CACNA1E: variants seen among roughly 807,000 people sequenced by gnomAD.
CACNA1E encodes voltage-dependent R-type calcium channel subunit alpha-1E.
In CACNA1E, 40 loss-of-function variants were observed where a neutral mutation model predicts 259.2. That is an observed-to-expected ratio of 0.15 (90% confidence interval 0.12 to 0.20). CACNA1E has a LOEUF of 0.20. CACNA1E is among the 10% of genes least tolerant of loss of function. The pLI is 1.00. For synonymous variants in CACNA1E, 1,104 were observed against 1,138.5 expected, an observed-to-expected ratio of 0.97 and a Z score of 0.61; for missense variants, 1,874 against 3,040.1, an observed-to-expected ratio of 0.62 and a Z score of 9.02.
chr1:181,600,625 T>TA (rs1653647596), intron 6 of CACNA1E, among the ~76,000 whole-genome samples: 1 of 152,086 alleles, frequency 6.6e-6, no homozygotes, highest in African/African-American at 2.4e-5. Context: ...ATTAATCTGT[T>TA]AATAGCGGTG....
rs745794317 is a variant in CACNA1E at position 181,733,724 on chromosome 1, C to T, written c.3236C>T (p.Pro1079Leu). The change falls in exon 21 of 48, where the codon CCC becomes CTC. Residue 1079 changes from proline to leucine, a missense_variant. By Grantham distance (98) the Pro-to-Leu change is moderately conservative (BLOSUM62 -3). Transcript: ENST00000367573. ...ACCGTCGCCATCCCCGACGTGGACCCCTTGGTGGACTCAACCGTGGTGCAC... is the reference window on the plus strand; with the variant it reads ...ACCGTCGCCATCCCCGACGTGGACCTCTTGGTGGACTCAACCGTGGTGCAC... ...SVTVAIPDVD[P>L]LVDSTVVHIS... 1.5e-5 allele frequency: 23 copies of T among 1,574,478 alleles called. No homozygotes were observed. Among genetic ancestry groups the T allele is most frequent in the Non-Finnish European group, 1.8e-5 (21 of 1,159,608 alleles).
intron 21 of CACNA1E, among the ~76,000 whole-genome samples, chr1:181,735,083 G>T (rs1356115182): frequency 1.3e-5 from 2 of 151,900 alleles, no homozygotes; most frequent in African/African-American, 2.4e-5. Context: ...TTCTTCCATG[G>T]CTCCCTCTCC....
chr1:181,723,621 C>A (rs920307283), intron 16 of CACNA1E, among the ~76,000 whole-genome samples: 10 of 152,152 alleles, frequency 6.6e-5, no homozygotes, highest in Admixed American at 4.6e-4. Context: ...CCCTGCCTTA[C>A]GATGACGATT....
chr1:181,572,911 G>A lies in CACNA1E; in HGVS notation c.513-4855G>A, dbSNP rs75657651. Among the ~76,000 whole-genome samples, 712 of 152,216 alleles carry A rather than the reference G, an allele frequency of 4.7e-3. 2 individuals carry two copies. The highest frequency in any genetic ancestry group is 6.5e-3 in the Admixed American group (99 of 15,296). On this transcript the variant is annotated intron_variant, in intron 3 of 47. Transcript: ENST00000367573. ...ATTTGTGGCCTTAGAATGAAGGGAA[G>A]AATGCTCACTTGCCTGTTTGGGGAT... is the stretch of plus-strand genomic sequence containing the variant.
intron 1 of CACNA1E, among the ~76,000 whole-genome samples, chr1:181,339,670 T>A (rs1286131257): frequency 6.6e-6 from 1 of 152,138 alleles, no homozygotes; most frequent in Admixed American, 6.5e-5. Context: ...ACATTTTTGT[T>A]CTTGACTATC....
intron 3 of CACNA1E, among the ~76,000 whole-genome samples, chr1:181,554,084 C>T (rs1447191035): frequency 6.6e-6 from 1 of 152,106 alleles, no homozygotes; most frequent in Admixed American, 6.5e-5. Flanking sequence ...GATCACAGCC[C>T]ACTGCAGCCT....
chr1:181,559,891 G>A (rs1649136339), intron 3 of CACNA1E, among the ~76,000 whole-genome samples: 1 of 152,218 alleles, frequency 6.6e-6, no homozygotes, highest in Non-Finnish European at 1.5e-5. Context: ...GCTGCTGAAG[G>A]CGTGGGATGC....
chr1:181,792,754 G>C (rs939379165), intron 44 of CACNA1E, among the ~76,000 whole-genome samples: 4 of 152,142 alleles, frequency 2.6e-5, no homozygotes, highest in Non-Finnish European at 4.4e-5. Flanking sequence ...GATGTTCTTA[G>C]GTCTTTTTGT....
chr1:181,542,147 A>G (rs1668629690), intron 3 of CACNA1E, among the ~76,000 whole-genome samples: 1 of 152,218 alleles, frequency 6.6e-6, no homozygotes, highest in South Asian at 2.1e-4. Flanking sequence ...TCAAGTGTTC[A>G]GATAACTGCA....
chr1:181,708,463 C>G (rs535745064), intron 7 of CACNA1E, among the ~76,000 whole-genome samples: 16 of 152,258 alleles, frequency 1.1e-4, no homozygotes, highest in South Asian at 6.2e-4. Context: ...AATGCTTATC[C>G]TAGATGCTCA....
intron 7 of CACNA1E, among the ~76,000 whole-genome samples, chr1:181,692,886 G>T (rs551530780): frequency 7.8e-4 from 118 of 152,018 alleles, no homozygotes; most frequent in African/African-American, 2.7e-3. Flanking sequence ...CAAAATATTT[G>T]CAAACTATGC....
chr1:181,626,360 G>A (rs1440621757), intron 6 of CACNA1E, among the ~76,000 whole-genome samples: 1 of 152,158 alleles, frequency 6.6e-6, no homozygotes, highest in Non-Finnish European at 1.5e-5. Context: ...AGGTATGCCT[G>A]TAGAACTAAT....
intron 1 of CACNA1E, among the ~76,000 whole-genome samples, chr1:181,508,647 G>A (rs149498315): frequency 1.2e-3 from 187 of 152,296 alleles, no homozygotes; most frequent in African/African-American, 4.3e-3. Flanking sequence ...CACTCCTCCT[G>A]CGATCAGTGG....
chr1:181,359,598 C>T (rs961332524), intron 1 of CACNA1E, among the ~76,000 whole-genome samples: 1 of 152,016 alleles, frequency 6.6e-6, no homozygotes, highest in African/African-American at 2.4e-5. Context: ...GAAGTAGTTC[C>T]GATACTCTAT....
chr1:181,401,772 G>A (rs1381569820), intron 1 of CACNA1E, among the ~76,000 whole-genome samples: 4 of 152,208 alleles, frequency 2.6e-5, no homozygotes, highest in Non-Finnish European at 4.4e-5. Flanking sequence ...TGTGTGGCAG[G>A]AGGAAGTGGC....
chr1:181,737,780 C>T, intron 23 of CACNA1E, 126 bp downstream of exon 23: 2 of 1,265,914 alleles, frequency 1.6e-6, no homozygotes, highest in South Asian at 1.4e-5. Flanking sequence ...AAATTGTCCA[C>T]TCCTGTTCCT....
intron 1 of CACNA1E, among the ~76,000 whole-genome samples, chr1:181,338,516 T>G (rs916457440): frequency 1.3e-5 from 2 of 152,024 alleles, no homozygotes; most frequent in African/African-American, 2.4e-5. Context: ...TTTTTTTTTT[T>G]TGTGGCTAAG....
At position 181,613,072 on chromosome 1, in the gene CACNA1E, C is replaced by T. The variant is rs114103697; in HGVS notation, c.951+32296C>T. Reference sequence around the variant, plus strand: ...GACCACGTGTGTATGAGTTTGCTTCCGGACTCTGTTCTATTCCATTGTATC... The same window carrying T: ...GACCACGTGTGTATGAGTTTGCTTCTGGACTCTGTTCTATTCCATTGTATC... On this transcript the variant is annotated intron_variant, in intron 6 of 47. Coordinates refer to ENST00000367573, the MANE Select transcript of CACNA1E (RefSeq NM_001205293.3). Among the ~76,000 whole-genome samples the T allele has an allele frequency of 5.7e-3, 869 of 152,258 alleles. 4 individuals are homozygous for T. Among genetic ancestry groups the T allele is most frequent in the Non-Finnish European group, 8.6e-3 (586 of 68,032 alleles).
At chr1:181,584,651 G>C (rs182466869) in intron 6 of CACNA1E, among the ~76,000 whole-genome samples, 1 of 152,292 alleles carries the variant, frequency 6.6e-6, no homozygotes, top group East Asian at 1.9e-4. Context: ...TCTCGCAGTT[G>C]ATGAAAAACT....
Sources: gnomAD v4.1 joint callset for allele counts (sites outside exome capture counted in the v4.1 genomes callset) on GRCh38, gnomAD v4.1.1 for gene constraint, MANE v1.5 for transcripts, NCBI Gene and HGNC (gene_info 2026-07-23, HGNC 2026-07-21) for gene names.